ELMO1: variants seen among roughly 807,000 people sequenced by gnomAD.
ELMO1 encodes the protein engulfment and cell motility protein 1.
Under a neutral mutation model 98.9 loss-of-function variants are expected in ELMO1, and 26 were observed. The ratio of observed to expected loss-of-function variants is 0.26; its 90% confidence interval spans 0.19 to 0.36. The LOEUF (loss-of-function observed/expected upper bound fraction) is 0.36, where lower values mean the gene tolerates loss of function less well. ELMO1 is among the 10% of genes least tolerant of loss of function. ELMO1 has a pLI of 1.00. For synonymous variants in ELMO1, 346 were observed against 346.0 expected, an observed-to-expected ratio of 1.00 and a Z score of 0.00; for missense variants, 627 against 935.2, an observed-to-expected ratio of 0.67 and a Z score of 4.30.
chr7:37,248,983 C>A (rs781700430), intron 6 of ELMO1, among the ~76,000 whole-genome samples: 1 of 152,324 alleles, frequency 6.6e-6, no homozygotes, highest in East Asian at 1.9e-4. Flanking sequence ...TTGTGTTATC[C>A]TCCATGCACC....
intron 16 of ELMO1, among the ~76,000 whole-genome samples, chr7:36,961,629 A>C (rs1788959745): frequency 6.6e-6 from 1 of 152,234 alleles, no homozygotes; most frequent in Non-Finnish European, 1.5e-5. Context: ...ACTGCTCAAA[A>C]ATCTTTTTCT....
intron 2 of ELMO1, among the ~76,000 whole-genome samples, chr7:37,329,710 G>A (rs1800001344): frequency 6.6e-6 from 1 of 152,142 alleles, no homozygotes; most frequent in South Asian, 2.1e-4. Flanking sequence ...CTTGGCAGGT[G>A]TCACCAAGAT....
At chr7:37,130,390 G>A (rs1017767789) in intron 14 of ELMO1, among the ~76,000 whole-genome samples, 1 of 152,174 alleles carries the variant, frequency 6.6e-6, no homozygotes, top group African/African-American at 2.4e-5. Context: ...GAGTCCTGGG[G>A]GCCTGTGCAT....
intron 14 of ELMO1, among the ~76,000 whole-genome samples, chr7:37,113,983 T>C (rs1785407070): frequency 6.6e-6 from 1 of 152,200 alleles, no homozygotes; most frequent in East Asian, 1.9e-4. Context: ...CAGTATGTGA[T>C]ATTTTGTTAT....
chr7:37,027,012 C>A (rs576587577), intron 15 of ELMO1, among the ~76,000 whole-genome samples: 2 of 152,066 alleles, frequency 1.3e-5, no homozygotes, highest in Non-Finnish European at 2.9e-5. Flanking sequence ...AGGCACAGAT[C>A]GTGGAGTATC....
chr7:37,037,700 C>A (rs2129191544), intron 15 of ELMO1, among the ~76,000 whole-genome samples: 1 of 152,320 alleles, frequency 6.6e-6, no homozygotes, highest in South Asian at 2.1e-4. Context: ...TCAGAACTCA[C>A]AGAATTGCTC....
At chr7:37,449,044 T>C (rs1805788752), upstream of ELMO1, 1 of 152,268 alleles carries the variant, frequency 6.6e-6, no homozygotes, top group Admixed American at 6.5e-5. Flanking sequence ...AGGACACTCG[T>C]GGTCTGCGCG....
intron 2 of ELMO1, among the ~76,000 whole-genome samples, chr7:37,336,739 GC>G (rs1196817392): frequency 1.3e-5 from 2 of 152,046 alleles, no homozygotes; most frequent in African/African-American, 4.8e-5. Flanking sequence ...AGGCAGAGGT[GC>G]CACCAAAAAG....
intron 16 of ELMO1, among the ~76,000 whole-genome samples, chr7:36,923,023 T>C (rs144347415): frequency 1.2e-4 from 19 of 152,250 alleles, no homozygotes; most frequent in African/African-American, 3.4e-4. Flanking sequence ...GAAGGCTGTG[T>C]CTAGACTTTC....
chr7:37,197,431 C>G (rs1792029983), intron 13 of ELMO1, among the ~76,000 whole-genome samples: 2 of 152,360 alleles, frequency 1.3e-5, no homozygotes, highest in South Asian at 4.1e-4. Flanking sequence ...GTGAAACAGA[C>G]ATGTCCGAGT....
intron 4 of ELMO1, among the ~76,000 whole-genome samples, chr7:37,301,856 T>C (rs1798368269): frequency 6.6e-6 from 1 of 152,212 alleles, no homozygotes; most frequent in Admixed American, 6.5e-5. Context: ...CTCTATCATT[T>C]ATCAATGGAG....
intron 4 of ELMO1, among the ~76,000 whole-genome samples, chr7:37,304,566 A>G (rs1019819579): frequency 3.9e-5 from 6 of 152,112 alleles, no homozygotes; most frequent in African/African-American, 1.4e-4. Context: ...AAATACAAAA[A>G]TTAGCTGGGT....
intron 1 of ELMO1, among the ~76,000 whole-genome samples, chr7:37,443,754 G>T (rs916017780): frequency 6.6e-6 from 1 of 152,188 alleles, no homozygotes; most frequent in African/African-American, 2.4e-5. Context: ...ACCAGTGTGT[G>T]CATTGTACAT....
intron 13 of ELMO1, among the ~76,000 whole-genome samples, chr7:37,160,981 A>C (rs1245328975): frequency 6.6e-6 from 1 of 152,116 alleles, no homozygotes; most frequent in Non-Finnish European, 1.5e-5. Flanking sequence ...TCACCTCTCT[A>C]AGGCCACTTC....
At chr7:37,447,809 ACC>A (rs1290749511) in intron 1 of ELMO1, among the ~76,000 whole-genome samples, 4 of 146,334 alleles carry the variant, frequency 2.7e-5, no homozygotes, top group Admixed American at 6.7e-5. Flanking sequence ...ACACGCGCGC[ACC>A]CCCGGGACAG....
At chr7:36,881,791 A>G (rs1165656555) in intron 18 of ELMO1, among the ~76,000 whole-genome samples, 3 of 152,222 alleles carry the variant, frequency 2.0e-5, no homozygotes, top group African/African-American at 7.2e-5. Flanking sequence ...TGTCAACTGT[A>G]ATTTTTGCAG....
At chr7:37,140,276 C>T (rs1787540911) in intron 13 of ELMO1, among the ~76,000 whole-genome samples, 1 of 151,668 alleles carries the variant, frequency 6.6e-6, no homozygotes, top group South Asian at 2.1e-4. Flanking sequence ...GTCCCAACTA[C>T]TCCGGAGGCT....
At chr7:37,152,256 C>A (rs1178960530) in intron 13 of ELMO1, among the ~76,000 whole-genome samples, 2 of 152,122 alleles carry the variant, frequency 1.3e-5, no homozygotes, top group Non-Finnish European at 2.9e-5. Flanking sequence ...TAGGAGGTGG[C>A]TGTTCTCCTG....
At chr7:37,146,326 G>A (rs1164243528) in intron 13 of ELMO1, among the ~76,000 whole-genome samples, 1 of 152,192 alleles carries the variant, frequency 6.6e-6, no homozygotes, top group African/African-American at 2.4e-5. Flanking sequence ...CTTAGGTGCT[G>A]CCGATGGCTT....
Sources: allele counts gnomAD v4.1 joint callset (sites outside exome capture counted in the v4.1 genomes callset), GRCh38; gene constraint gnomAD v4.1.1; transcripts MANE v1.5; gene names NCBI Gene and HGNC (gene_info 2026-07-23, HGNC 2026-07-21).